FBXO36: variants seen among roughly 807,000 people sequenced by gnomAD.
FBXO36 encodes F-box protein 36, also known as F-box only protein 36.
Under a neutral mutation model 17.0 loss-of-function variants are expected in FBXO36, and 18 were observed. That is an observed-to-expected ratio of 1.06 (90% CI 0.73 to 1.57). The LOEUF is 1.57. FBXO36 is among the 40% of genes most tolerant of loss of function. The probability of loss-of-function intolerance (pLI) is 0.00; values close to 1 mark genes in which losing one functional copy is unlikely to be tolerated. For missense variants in FBXO36, 229 were observed against 221.9 expected, an observed-to-expected ratio of 1.03 and a Z score of -0.20; for synonymous variants, 83 against 85.3, an observed-to-expected ratio of 0.97 and a Z score of 0.15.
chr2:230,006,107 T>G (rs1453893097), intron 3 of FBXO36, among the ~76,000 whole-genome samples: 7 of 83,560 alleles, frequency 8.4e-5, no homozygotes, highest in Middle Eastern at 5.8e-3. Context: ...TTATTTTAGT[T>G]TTTTTTTTTT....
intron 1 of FBXO36, chr2:229,942,789 G>A (rs1484637073): frequency 2.6e-5 from 4 of 152,232 alleles, no homozygotes; most frequent in African/African-American, 4.8e-5. Flanking sequence ...AGGATGTGAC[G>A]CTCTCATTCA....
At chr2:230,004,997 A>G (rs991624292) in intron 3 of FBXO36, among the ~76,000 whole-genome samples, 5 of 152,070 alleles carry the variant, frequency 3.3e-5, no homozygotes, top group African/African-American at 1.2e-4. Flanking sequence ...TAAGAGTGGA[A>G]CTCCATCTCA....
At chr2:229,927,744 G>C (rs1162375511) in intron 1 of FBXO36, among the ~76,000 whole-genome samples, 3 of 146,042 alleles carry the variant, frequency 2.1e-5, no homozygotes, top group African/African-American at 7.6e-5. Flanking sequence ...TGAAGCTAGT[G>C]TCATTTGAAA....
intron 3 of FBXO36, among the ~76,000 whole-genome samples, chr2:229,997,886 G>C (rs1206689559): frequency 3.3e-5 from 5 of 152,150 alleles, no homozygotes; most frequent in Non-Finnish European, 7.3e-5. Context: ...AGATACCTTG[G>C]TCCCTAACCC....
chr2:229,990,668 T>C (rs1475687816), intron 2 of FBXO36, among the ~76,000 whole-genome samples: 1 of 152,220 alleles, frequency 6.6e-6, no homozygotes, highest in East Asian at 1.9e-4. Context: ...TTACCACATA[T>C]GTTCCTAAGT....
intron 3 of FBXO36, among the ~76,000 whole-genome samples, chr2:230,007,469 A>G (rs1172868505): frequency 1.3e-5 from 2 of 152,176 alleles, no homozygotes; most frequent in Non-Finnish European, 2.9e-5. Flanking sequence ...CCCCTGGGGC[A>G]CAGGTGGAAA....
At chr2:229,972,234 G>A (rs1365391106) in intron 1 of FBXO36, among the ~76,000 whole-genome samples, 2 of 151,874 alleles carry the variant, frequency 1.3e-5, no homozygotes, top group African/African-American at 2.4e-5. Flanking sequence ...CTGACCTCAG[G>A]TGATCTGCCC....
At chr2:229,945,828 G>A (rs1393415673) in intron 1 of FBXO36, among the ~76,000 whole-genome samples, 1 of 151,012 alleles carries the variant, frequency 6.6e-6, no homozygotes, top group Non-Finnish European at 1.5e-5. Flanking sequence ...TTTGAGACCA[G>A]CCTGGCCAAC....
rs1223987732 is a variant in FBXO36, at chr2:229,995,592, CTTTCTT to C, written c.206-1155_206-1150del. ...TTTCTTTCTTTCTTTCTCTTTCTTT[CTTTCTT>C]TTTTTTTTTTTTGGACAGAATTTCG... On this transcript the variant is annotated intron_variant, in intron 2 of 3. Transcript: ENST00000283946. Among the ~76,000 whole-genome samples the C allele has an allele frequency of 9.6e-5, 11 of 114,552 alleles. No homozygotes were observed. In the East Asian group the frequency reaches 1.2e-3, roughly 13 times the overall value. 75.2% of individuals were successfully genotyped at this position (114,552 alleles called of 152,430 possible).
intron 1 of FBXO36, among the ~76,000 whole-genome samples, chr2:229,943,692 GGACAAACCAC>G (rs2077011937): frequency 6.6e-6 from 1 of 152,132 alleles, no homozygotes; most frequent in Non-Finnish European, 1.5e-5. Context: ...GTTTGAACCT[GGACAAACCAC>G]TGATGTAGAC....
rs566967967 is a variant in FBXO36, at chr2:229,986,092, A to G, written c.205+9743A>G. 3.3e-5 allele frequency among the ~76,000 whole-genome samples: 5 copies of G among 152,246 alleles called. No homozygotes were observed. The South Asian group carries it at 1.0e-3, about 32-fold the overall frequency. ...ATAAAAATGAAAAGTTTTAGCATGA[A>G]AATAAGTCTCCCTCTGACCCTGTGT... is the stretch of plus-strand genomic sequence containing the variant. On this transcript the variant is annotated intron_variant, in intron 2 of 3. Transcript: ENST00000283946.
chr2:229,957,138 G>A (rs1283833558), intron 1 of FBXO36, among the ~76,000 whole-genome samples: 1 of 152,178 alleles, frequency 6.6e-6, no homozygotes, highest in Non-Finnish European at 1.5e-5. Flanking sequence ...AGAAACACAA[G>A]TGCTTTAGTG....
intron 2 of FBXO36, among the ~76,000 whole-genome samples, chr2:229,979,727 A>G (rs2077228353): frequency 6.6e-6 from 1 of 152,072 alleles, no homozygotes; most frequent in Non-Finnish European, 1.5e-5. Flanking sequence ...TAAAAAAAAA[A>G]AAAGTCTGCT....
At chr2:229,944,409 T>G (rs533597481) in intron 1 of FBXO36, among the ~76,000 whole-genome samples, 24 of 152,178 alleles carry the variant, frequency 1.6e-4, no homozygotes, top group Non-Finnish European at 3.1e-4. Flanking sequence ...TTAATAAATA[T>G]TACGGCATTC....
At chr2:229,996,692 G>GTTATTATAATTT in intron 2 of FBXO36, 59 bp from the exon 3 acceptor site, 20 of 1,510,920 alleles carry the variant, frequency 1.3e-5, no homozygotes, top group Non-Finnish European at 1.5e-5. Flanking sequence ...TTCACTGATT[G>GTTATTATAATTT]TTATTATAAT....
intron 2 of FBXO36, among the ~76,000 whole-genome samples, chr2:229,981,733 G>GA (rs2077241589): frequency 6.6e-6 from 1 of 150,488 alleles, no homozygotes; most frequent in Non-Finnish European, 1.5e-5. Context: ...AAAGAAAAAG[G>GA]AAAAGAAAAA....
At chr2:229,969,664 G>A (rs2077171658) in intron 1 of FBXO36, among the ~76,000 whole-genome samples, 1 of 151,978 alleles carries the variant, frequency 6.6e-6, no homozygotes, top group Non-Finnish European at 1.5e-5. Context: ...CTCCAGTCTG[G>A]GTGACAGAGA....
chr2:230,000,562 T>C (rs944632688), intron 3 of FBXO36, among the ~76,000 whole-genome samples: 1 of 151,976 alleles, frequency 6.6e-6, no homozygotes, highest in African/African-American at 2.4e-5. Flanking sequence ...AAGGATTTGA[T>C]AGGAAACAGC....
At chr2:229,946,302 C>A (rs1025208097) in intron 1 of FBXO36, among the ~76,000 whole-genome samples, 2 of 152,150 alleles carry the variant, frequency 1.3e-5, no homozygotes, top group Non-Finnish European at 2.9e-5. Context: ...CTTTTCAACT[C>A]GCCCATTGTC....
Sources: gnomAD v4.1 joint callset for allele counts (sites outside exome capture counted in the v4.1 genomes callset) on GRCh38, gnomAD v4.1.1 for gene constraint, MANE v1.5 for transcripts, NCBI Gene and HGNC (gene_info 2026-07-23, HGNC 2026-07-21) for gene names.